Variants in QRICH1 observed in about 807,000 individuals in gnomAD.
QRICH1 encodes transcriptional regulator QRICH1.
QRICH1 carries 16 observed loss-of-function variants against 87.1 expected under a neutral mutation model. The observed-to-expected ratio is 0.18, with a 90% CI of 0.12 to 0.28. The LOEUF is 0.28. QRICH1 is among the 10% of genes least tolerant of loss of function. QRICH1 has a pLI of 1.00. For synonymous variants in QRICH1, 367 were observed against 368.4 expected, an observed-to-expected ratio of 1.00 and a Z score of 0.05; for missense variants, 647 against 951.7, an observed-to-expected ratio of 0.68 and a Z score of 4.21.
At chr3:49,088,305 A>AT (rs368167931) in intron 1 of QRICH1, among the ~76,000 whole-genome samples, 2 of 150,334 alleles carry the variant, frequency 1.3e-5, no homozygotes, top group East Asian at 4.0e-4. Flanking sequence ...TTGTATTTTT[A>AT]TTTTTTTGAG....
chr3:49,052,349 A>G (rs140578257), intron 3 of QRICH1, among the ~76,000 whole-genome samples: 34 of 152,298 alleles, frequency 2.2e-4, no homozygotes, highest in African/African-American at 5.5e-4. Flanking sequence ...GGTATTGTCA[A>G]TAAGTCCAAG....
chr3:49,090,489 G>A (rs1464582365), intron 1 of QRICH1, among the ~76,000 whole-genome samples: 4 of 148,654 alleles, frequency 2.7e-5, no homozygotes, highest in African/African-American at 9.9e-5. Context: ...TTAGCCCAGC[G>A]TGGTGGCGGG....
intron 1 of QRICH1, among the ~76,000 whole-genome samples, chr3:49,084,572 T>G (rs1406623657): frequency 6.6e-6 from 1 of 152,036 alleles, no homozygotes; most frequent in Admixed American, 6.6e-5. Flanking sequence ...GAGACCAGCC[T>G]GGCCAACATG....
intron 6 of QRICH1, among the ~76,000 whole-genome samples, chr3:49,041,708 G>A (rs2093311262): frequency 6.6e-6 from 1 of 151,782 alleles, no homozygotes; most frequent in Non-Finnish European, 1.5e-5. Flanking sequence ...TCAGCTCACT[G>A]CAACCTCTGC....
intron 1 of QRICH1, among the ~76,000 whole-genome samples, chr3:49,077,921 G>T (rs1188629088): frequency 6.6e-6 from 1 of 152,018 alleles, no homozygotes; most frequent in African/African-American, 2.4e-5. Context: ...TTTTCATCAG[G>T]TATTTAATTA....
chr3:49,079,322 TG>T (rs2042012755), intron 1 of QRICH1, among the ~76,000 whole-genome samples: 2 of 151,718 alleles, frequency 1.3e-5, no homozygotes, highest in Admixed American at 1.3e-4. Context: ...CTCAGGAGGC[TG>T]AGGTGGAGGA....
At chr3:49,061,691 A>G (rs1328654411) in intron 2 of QRICH1, among the ~76,000 whole-genome samples, 1 of 152,030 alleles carries the variant, frequency 6.6e-6, no homozygotes, top group South Asian at 2.1e-4. Flanking sequence ...CGTCTCTACT[A>G]AAAATACAAA....
Position 49,032,683 on chromosome 3 carries a change from C to T in QRICH1, c.1986G>A (p.Lys662=). 1 of 1,612,678 alleles carries T rather than the reference C, an allele frequency of 6.2e-7. No individual in the cohort carries two copies. The highest frequency in any genetic ancestry group is 8.5e-7 in the Non-Finnish European group (1 of 1,179,424). Residue 662 remains lysine, a synonymous_variant, in exon 8 of 10, where the codon AAG becomes AAA. Coordinates refer to ENST00000395443, the MANE Select transcript of QRICH1 (RefSeq NM_198880.3). Reference sequence around the variant, plus strand: ...AGTACCGGATACTCGTGCTTTTATCCTTGGGATTAGAGGGGTTCTTCTTTG... The same window carrying T: ...AGTACCGGATACTCGTGCTTTTATCTTTGGGATTAGAGGGGTTCTTCTTTG... ...RQTKKNPSNP[K]DKSTSIRYLK...
intron 3 of QRICH1, among the ~76,000 whole-genome samples, chr3:49,048,863 G>C (rs2093353967): frequency 6.7e-6 from 1 of 149,026 alleles, no homozygotes; most frequent in Admixed American, 6.7e-5. Context: ...TTGTAAGGTA[G>C]AGGCACATTG....
At chr3:49,073,439 T>C (rs904006721) in intron 2 of QRICH1, among the ~76,000 whole-genome samples, 3 of 150,590 alleles carry the variant, frequency 2.0e-5, no homozygotes, top group African/African-American at 4.9e-5. Context: ...ACTCAGGAGG[T>C]TGAGGCAGGA....
chr3:49,059,887 T>C (rs2093425084), intron 2 of QRICH1, among the ~76,000 whole-genome samples: 1 of 146,892 alleles, frequency 6.8e-6, no homozygotes, highest in South Asian at 2.1e-4. Flanking sequence ...CCAGCTAACT[T>C]TTTTTTTTTT....
intron 3 of QRICH1, among the ~76,000 whole-genome samples, chr3:49,055,438 T>C (rs570873752): frequency 2.0e-4 from 31 of 152,212 alleles, no homozygotes; most frequent in South Asian, 2.1e-4. Flanking sequence ...TGAAATGCAA[T>C]GGCATGATCA....
chr3:49,032,057 A>C (rs2093243965), intron 9 of QRICH1, 126 bp downstream of exon 9: 1 of 763,390 alleles, frequency 1.3e-6, no homozygotes, highest in Non-Finnish European at 2.1e-6. Flanking sequence ...GCTTTCTGGA[A>C]GTGTTTTTAC....
In QRICH1 at chr3:49,057,244, C is replaced by T; in HGVS notation, c.956G>A (p.Arg319Gln). Residue 319 changes from arginine (R) to glutamine (Q), a missense_variant, in exon 3 of 10, where the codon CGG becomes CAG. Physicochemically the swap from Arg to Gln is conservative, Grantham distance 43. Transcript: ENST00000395443. The surrounding 1 kb of genome is among the most constrained non-coding windows in gnomAD (Gnocchi z 5.4). The stretch of plus-strand genomic sequence containing the variant: ...AATGCTCTGCTGCTGAGGGTCCCCC[C>T]GGGGCTGGGCAGAATAAACAGGGAT... The part of the protein sequence containing the change: ...WTIPVYSAQP[R>Q]GDPQQQSITH... 1 of 1,614,164 alleles carries T rather than the reference C, an allele frequency of 6.2e-7. No homozygotes were observed. The highest frequency in any genetic ancestry group is 8.5e-7 in the Non-Finnish European group (1 of 1,180,016).
chr3:49,062,413 C>T (rs1308549968), intron 2 of QRICH1, among the ~76,000 whole-genome samples: 3 of 141,590 alleles, frequency 2.1e-5, no homozygotes, highest in Non-Finnish European at 4.6e-5. Flanking sequence ...TGCCCTGTTG[C>T]CCAGTGGTGG....
chr3:49,081,642 A>C (rs1055989715), intron 1 of QRICH1, among the ~76,000 whole-genome samples: 1 of 152,124 alleles, frequency 6.6e-6, no homozygotes, highest in Non-Finnish European at 1.5e-5. Flanking sequence ...CTGGGACTAC[A>C]GGCGTGTACC....
At chr3:49,038,004 T>C (rs1479259247) in intron 6 of QRICH1, among the ~76,000 whole-genome samples, 2 of 152,032 alleles carry the variant, frequency 1.3e-5, no homozygotes, top group Non-Finnish European at 2.9e-5. Context: ...AATTTTGACC[T>C]TGATTCAGAT....
At chr3:49,038,061 G>A (rs1343879080) in intron 6 of QRICH1, among the ~76,000 whole-genome samples, 1 of 151,888 alleles carries the variant, frequency 6.6e-6, no homozygotes, top group East Asian at 1.9e-4. Flanking sequence ...TTTTAATAAA[G>A]GGTAGATTTT....
chr3:49,087,110 A>T (rs1238266084), intron 1 of QRICH1: 1 of 152,190 alleles, frequency 6.6e-6, no homozygotes, highest in Admixed American at 6.6e-5. Context: ...CACAAAAATT[A>T]GCCAGGCGTG....
Sources: allele counts gnomAD v4.1 joint callset (sites outside exome capture counted in the v4.1 genomes callset), GRCh38; gene constraint gnomAD v4.1.1; non-coding constraint Gnocchi (gnomAD v3.1); transcripts MANE v1.5; gene names NCBI Gene and HGNC (gene_info 2026-07-23, HGNC 2026-07-21).